PCDH9: variants seen among roughly 807,000 people sequenced by gnomAD.
PCDH9 encodes protocadherin-9.
Under a neutral mutation model 70.6 loss-of-function variants are expected in PCDH9, and 24 were observed. The observed-to-expected ratio is 0.34, with a 90% confidence interval of 0.25 to 0.48. The LOEUF (loss-of-function observed/expected upper bound fraction) is 0.48, where lower values mean the gene tolerates loss of function less well. PCDH9 is among the 20% of genes least tolerant of loss of function. The pLI, the probability that PCDH9 is intolerant of heterozygous loss-of-function variation, is 0.99. For synonymous variants in PCDH9, 562 were observed against 558.5 expected (o/e 1.01, Z -0.09); for missense variants, 1,281 against 1,503.6 (o/e 0.85, Z 2.45).
At chr13:67,139,048 C>T (rs910602527) in intron 2 of PCDH9, among the ~76,000 whole-genome samples, 4 of 152,152 alleles carry the variant, frequency 2.6e-5, no homozygotes, top group Non-Finnish European at 5.9e-5. Context: ...AATGCCACTC[C>T]GTTCAATTCT....
chr13:66,889,257 G>A (rs1010910003), intron 3 of PCDH9, among the ~76,000 whole-genome samples: 7 of 152,178 alleles, frequency 4.6e-5, no homozygotes, highest in Non-Finnish European at 1.0e-4. Flanking sequence ...AAAGCCACAC[G>A]AAGCAGTTAT....
At chr13:66,791,871 C>T (rs1465663126) in intron 3 of PCDH9, among the ~76,000 whole-genome samples, 1 of 152,062 alleles carries the variant, frequency 6.6e-6, no homozygotes, top group Admixed American at 6.6e-5. Flanking sequence ...GACAGATATA[C>T]ACTCTGTATA....
chr13:66,949,115 G>T (rs2083137118), intron 2 of PCDH9, among the ~76,000 whole-genome samples: 1 of 152,064 alleles, frequency 6.6e-6, no homozygotes, highest in Admixed American at 6.6e-5. Context: ...CAGGTGAAGT[G>T]ACAAAAGCTT....
intron 3 of PCDH9, among the ~76,000 whole-genome samples, chr13:66,685,030 G>GA (rs71106988): frequency 0.32 from 47,135 of 148,612 alleles, 8,262 homozygotes; most frequent in East Asian, 0.51. Context: ...CAATAGAAAA[G>GA]AAAAAAAAAA....
intron 2 of PCDH9, among the ~76,000 whole-genome samples, chr13:66,920,518 C>T (rs1241006379): frequency 6.6e-6 from 1 of 150,926 alleles, no homozygotes; most frequent in Non-Finnish European, 1.5e-5. Flanking sequence ...TATTAATAAC[C>T]TTCCCCACCA....
chr13:66,860,311 T>C (rs536323545), intron 3 of PCDH9, among the ~76,000 whole-genome samples: 17 of 151,480 alleles, frequency 1.1e-4, no homozygotes, highest in Admixed American at 6.6e-4. Context: ...TCTGGAAAGA[T>C]GCCACTTCTG....
chr13:66,642,430 G>A (rs2077720797), intron 3 of PCDH9, among the ~76,000 whole-genome samples: 1 of 151,932 alleles, frequency 6.6e-6, no homozygotes, highest in African/African-American at 2.4e-5. Context: ...ATATGCAATT[G>A]TGGTTATAAG....
At chr13:66,571,152 T>C (rs2076727800) in intron 4 of PCDH9, among the ~76,000 whole-genome samples, 1 of 152,076 alleles carries the variant, frequency 6.6e-6, no homozygotes, top group African/African-American at 2.4e-5. Flanking sequence ...CATTTTAATT[T>C]TGTTTCCTAT....
At chr13:67,090,500 G>C (rs1430262005) in intron 2 of PCDH9, among the ~76,000 whole-genome samples, 1 of 151,768 alleles carries the variant, frequency 6.6e-6, no homozygotes, top group African/African-American at 2.4e-5. Context: ...TCTTCATTTA[G>C]GGCTTACTTT....
intron 4 of PCDH9, among the ~76,000 whole-genome samples, chr13:66,372,617 A>C (rs1956675838): frequency 6.6e-6 from 1 of 151,508 alleles, no homozygotes; most frequent in Admixed American, 6.6e-5. Flanking sequence ...TCAGAGTGGC[A>C]TTATAAAGAC....
At chr13:66,797,574 C>T (rs549262669) in intron 3 of PCDH9, among the ~76,000 whole-genome samples, 7 of 152,230 alleles carry the variant, frequency 4.6e-5, no homozygotes, top group African/African-American at 1.7e-4. Flanking sequence ...AGATAAATCG[C>T]TAAGTGCAAT....
In PCDH9 at chr13:66,994,401, A is replaced by G. The variant is rs183646254; in HGVS notation, c.3037-90796T>C. ...CTCCCTCTAGCGTGCCCTACTGGCC[A>G]AACTTATTAAGAAGCCAGATGGCAA... On this transcript the variant is annotated intron_variant, in intron 2 of 4. Coordinates refer to ENST00000377865, the MANE Select transcript of PCDH9 (RefSeq NM_203487.3). Among the ~76,000 whole-genome samples the G allele has an allele frequency of 1.2e-3, 182 of 152,322 alleles. 2 individuals are homozygous for G. The highest frequency in any genetic ancestry group is 0.011 in the Admixed American group (161 of 15,308).
At chr13:67,091,228 T>C (rs1399955837) in intron 2 of PCDH9, among the ~76,000 whole-genome samples, 2 of 152,166 alleles carry the variant, frequency 1.3e-5, no homozygotes, top group Non-Finnish European at 2.9e-5. Context: ...AAATCACATA[T>C]GTTCTTTATT....
intron 2 of PCDH9, among the ~76,000 whole-genome samples, chr13:66,965,070 A>G (rs1284453017): frequency 1.3e-5 from 2 of 152,044 alleles, no homozygotes; most frequent in Non-Finnish European, 2.9e-5. Flanking sequence ...ATTGCAAAAT[A>G]TCCTTACATG....
chr13:66,656,065 A>C (rs139794342), intron 3 of PCDH9, among the ~76,000 whole-genome samples: 1 of 152,298 alleles, frequency 6.6e-6, no homozygotes, highest in African/African-American at 2.4e-5. Context: ...TCTGAAGAAG[A>C]AGGCAGGTGT....
chr13:66,945,536 T>G (rs1024945532), intron 2 of PCDH9, among the ~76,000 whole-genome samples: 2 of 152,196 alleles, frequency 1.3e-5, no homozygotes, highest in Non-Finnish European at 2.9e-5. Context: ...TTTATCTACG[T>G]GTATCCATAC....
chr13:67,016,259 T>C (rs910986922), intron 2 of PCDH9, among the ~76,000 whole-genome samples: 4 of 152,198 alleles, frequency 2.6e-5, no homozygotes, highest in African/African-American at 9.6e-5. Flanking sequence ...TTAACTTACT[T>C]ATCATTGTCA....
chr13:66,806,273 C>T (rs895552722), intron 3 of PCDH9, among the ~76,000 whole-genome samples: 1 of 151,772 alleles, frequency 6.6e-6, no homozygotes, highest in African/African-American at 2.4e-5. Context: ...TCAGTGTTAC[C>T]AGAAAACCAA....
intron 2 of PCDH9, chr13:67,222,624 A>G (rs551093420): frequency 2.0e-5 from 3 of 152,286 alleles, no homozygotes; most frequent in Non-Finnish European, 2.9e-5. Flanking sequence ...CCACATATCA[A>G]TTAATAGCAT....
Sources: gnomAD v4.1 joint callset for allele counts (sites outside exome capture counted in the v4.1 genomes callset) on GRCh38, gnomAD v4.1.1 for gene constraint, MANE v1.5 for transcripts, NCBI Gene and HGNC (gene_info 2026-07-23, HGNC 2026-07-21) for gene names.